The following LRRC4C variants were observed in gnomAD, a reference collection of about 807,000 sequenced individuals.
LRRC4C encodes leucine-rich repeat-containing protein 4C.
Under a neutral mutation model 33.6 loss-of-function variants are expected in LRRC4C, and 5 were observed. The ratio of observed to expected loss-of-function variants is 0.15; its 90% CI spans 0.08 to 0.31. The LOEUF is 0.31. Among genes scored for constraint, LRRC4C ranks in the 10% least tolerant of loss-of-function variants. The pLI is 1.00. For synonymous variants in LRRC4C, 329 were observed against 302.0 expected, an observed-to-expected ratio of 1.09 and a Z score of -0.93; for missense variants, 560 against 796.7, an observed-to-expected ratio of 0.70 and a Z score of 3.58.
chr11:41,043,777 T>C (rs1480026020), intron 1 of LRRC4C, among the ~76,000 whole-genome samples: 3 of 152,122 alleles, frequency 2.0e-5, no homozygotes, highest in Admixed American at 6.6e-5. Context: ...CAAAACCATA[T>C]AGATGCTAAA....
At chr11:40,986,403 G>A (rs1431822663) in intron 1 of LRRC4C, among the ~76,000 whole-genome samples, 1 of 152,108 alleles carries the variant, frequency 6.6e-6, no homozygotes, top group African/African-American at 2.4e-5. Context: ...TTTGAGACCA[G>A]TGTGGGCAAC....
chr11:41,009,361 G>T (rs1437187237), intron 1 of LRRC4C, among the ~76,000 whole-genome samples: 1 of 151,916 alleles, frequency 6.6e-6, no homozygotes, highest in Non-Finnish European at 1.5e-5. Context: ...AAACATATTG[G>T]ATCTGAGATG....
In LRRC4C at chr11:41,358,377, C is replaced by T. The variant is rs76881370; in HGVS notation, c.-496+101054G>A. Among the ~76,000 whole-genome samples the T allele has an allele frequency of 1.3e-3, 204 of 152,076 alleles. 5 individuals are homozygous for T. The East Asian group carries it at 0.034, about 25-fold the overall frequency. ...TTAGATATGACACTACAGTCATGAT[C>T]CATGAAACAAATAATTGGTATATTA... On this transcript the variant is annotated intron_variant, in intron 1 of 6. Coordinates refer to ENST00000528697, the MANE Select transcript of LRRC4C (RefSeq NM_001258419.2).
intron 2 of LRRC4C, among the ~76,000 whole-genome samples, chr11:40,910,853 C>T (rs538879989): frequency 7.9e-4 from 120 of 152,324 alleles, no homozygotes; most frequent in Non-Finnish European, 1.1e-3. Flanking sequence ...CACCCTAATA[C>T]TGCGCTTTTC....
chr11:40,786,890 T>G (rs771613536), intron 2 of LRRC4C, among the ~76,000 whole-genome samples: 4 of 150,530 alleles, frequency 2.7e-5, no homozygotes, highest in Non-Finnish European at 4.4e-5. Context: ...AATAAGAAAA[T>G]ACCCTAAGTT....
intron 1 of LRRC4C, among the ~76,000 whole-genome samples, chr11:41,131,311 A>G (rs892456883): frequency 6.6e-6 from 1 of 152,018 alleles, no homozygotes; most frequent in African/African-American, 2.4e-5. Flanking sequence ...TCTTCTCTCC[A>G]TTCATCCCAT....
At chr11:41,367,838 T>C (rs772945446) in intron 1 of LRRC4C, among the ~76,000 whole-genome samples, 4 of 152,140 alleles carry the variant, frequency 2.6e-5, no homozygotes, top group Non-Finnish European at 4.4e-5. Context: ...ACCCAGGCTA[T>C]TAGGTTCACA....
chr11:40,990,788 C>A (rs1306771920), intron 1 of LRRC4C, among the ~76,000 whole-genome samples: 2 of 151,890 alleles, frequency 1.3e-5, no homozygotes, highest in East Asian at 1.9e-4. Flanking sequence ...TTTTTACTGC[C>A]GCAATGAAGG....
At chr11:41,120,388 C>T (rs1942360451) in intron 1 of LRRC4C, among the ~76,000 whole-genome samples, 2 of 152,114 alleles carry the variant, frequency 1.3e-5, no homozygotes, top group African/African-American at 4.8e-5. Flanking sequence ...CACTCTCTAC[C>T]ATTCTCCATC....
At chr11:40,832,747 C>A (rs1229744070) in intron 2 of LRRC4C, among the ~76,000 whole-genome samples, 1 of 152,056 alleles carries the variant, frequency 6.6e-6, no homozygotes, top group African/African-American at 2.4e-5. Flanking sequence ...AATTTTGGAA[C>A]TATCAAATAA....
rs371946043 is a variant in LRRC4C at position 41,075,547 on chromosome 11, ACTAT to A, written c.-495-141828_-495-141825del. Among the ~76,000 whole-genome samples the A allele has an allele frequency of 3.3e-5, 5 of 152,138 alleles. No homozygotes were observed. The South Asian group carries it at 6.2e-4, about 19-fold the overall frequency. The stretch of plus-strand genomic sequence containing the variant: ...TCCTTTTTATTACACCAAAATTTTC[ACTAT>A]CTATCTTCTAAACCAAACCCATTAG... On this transcript the variant is annotated intron_variant, in intron 1 of 6. Transcript: ENST00000528697.
intron 1 of LRRC4C, among the ~76,000 whole-genome samples, chr11:41,105,118 T>C (rs72892603): frequency 4.1e-4 from 62 of 152,122 alleles, no homozygotes; most frequent in Non-Finnish European, 8.2e-4. Context: ...GAAATAGAAT[T>C]AAGCACCCTA....
intron 1 of LRRC4C, among the ~76,000 whole-genome samples, chr11:40,999,152 A>T (rs1004280452): frequency 6.6e-6 from 1 of 152,074 alleles, no homozygotes; most frequent in African/African-American, 2.4e-5. Flanking sequence ...GCCTGATGAC[A>T]CGTCAATAAA....
chr11:40,299,047 G>A (rs183146577), intron 4 of LRRC4C, among the ~76,000 whole-genome samples: 185 of 152,250 alleles, frequency 1.2e-3, no homozygotes, highest in African/African-American at 3.9e-3. Context: ...TGTATAAAAC[G>A]AAAGCAAGTG....
intron 2 of LRRC4C, among the ~76,000 whole-genome samples, chr11:40,691,163 AAACC>A (rs1945203645): frequency 6.6e-6 from 1 of 152,064 alleles, no homozygotes; most frequent in South Asian, 2.1e-4. Flanking sequence ...AAGCACATCA[AAACC>A]AACCAAATTA....
At chr11:41,425,023 A>G (rs576677911) in intron 1 of LRRC4C, among the ~76,000 whole-genome samples, 20 of 152,212 alleles carry the variant, frequency 1.3e-4, no homozygotes, top group African/African-American at 4.6e-4. Flanking sequence ...AAGATTTTTT[A>G]AAGATTGAAG....
intron 1 of LRRC4C, among the ~76,000 whole-genome samples, chr11:40,950,801 C>T (rs1337147287): frequency 2.6e-5 from 4 of 151,758 alleles, no homozygotes; most frequent in Non-Finnish European, 5.9e-5. Flanking sequence ...TCTCTAGACA[C>T]ATTTACACAT....
intron 1 of LRRC4C, among the ~76,000 whole-genome samples, chr11:41,116,852 T>C (rs1215182433): frequency 6.6e-6 from 1 of 152,142 alleles, no homozygotes; most frequent in African/African-American, 2.4e-5. Flanking sequence ...CAATGTTAAT[T>C]GCAACAGAAA....
intron 4 of LRRC4C, among the ~76,000 whole-genome samples, chr11:40,274,424 TAC>T (rs56027023): frequency 0.14 from 20,066 of 138,854 alleles, 1,316 homozygotes; most frequent in South Asian, 0.17. Context: ...GACACACACA[TAC>T]ACACACACAC....
Sources: allele counts gnomAD v4.1 joint callset (sites outside exome capture counted in the v4.1 genomes callset), GRCh38; gene constraint gnomAD v4.1.1; transcripts MANE v1.5; gene names NCBI Gene and HGNC (gene_info 2026-07-23, HGNC 2026-07-21).